Variants in SPRED2 observed in about 807,000 individuals in gnomAD.
SPRED2 encodes sprouty related EVH1 domain containing 2.
In SPRED2, 47 loss-of-function variants were observed where a neutral mutation model predicts 43.0. The ratio of observed to expected loss-of-function variants is 1.09; its 90% CI spans 0.87 to 1.40. The LOEUF (loss-of-function observed/expected upper bound fraction) is 1.40. SPRED2 is among the 40% of genes most tolerant of loss of function. The pLI is 0.00. For synonymous variants in SPRED2, 225 were observed against 225.7 expected (o/e 1.00, Z 0.03); for missense variants, 561 against 586.4 (o/e 0.96, Z 0.45).
Position 65,314,107 on chromosome 2 carries a change from G to C in SPRED2, c.651C>G (p.Ile217Met), listed in dbSNP as rs747259650. The change falls in exon 6 of 6, where the codon ATC becomes ATG. Residue 217 changes from isoleucine to methionine, a missense_variant. Coordinates refer to ENST00000356388, the MANE Select transcript of SPRED2 (RefSeq NM_181784.3). ...FPDDDEEIVR[I>M]NPREKIWMTG... Reference sequence around the variant, plus strand: ...TCATCCAGATCTTCTCCCGGGGGTTGATGCGCACGATCTCCTCGTCGTCGT... The same window carrying C: ...TCATCCAGATCTTCTCCCGGGGGTTCATGCGCACGATCTCCTCGTCGTCGT... 6.2e-7 allele frequency: 1 copy of C among 1,612,132 alleles called. No individual in the cohort carries two copies. Among genetic ancestry groups the C allele is most frequent in the South Asian group, 1.1e-5 (1 of 91,014 alleles).
chr2:65,347,420 A>G (rs1171585637), intron 1 of SPRED2, among the ~76,000 whole-genome samples: 2 of 152,090 alleles, frequency 1.3e-5, no homozygotes, highest in African/African-American at 4.8e-5. Context: ...GCATCCTGCT[A>G]CATTTCCCTG....
At chr2:65,349,324 A>AAAG in intron 1 of SPRED2, among the ~76,000 whole-genome samples, 1 of 151,832 alleles carries the variant, frequency 6.6e-6, no homozygotes, top group African/African-American at 2.4e-5. Flanking sequence ...AAAAAAAAAA[A>AAAG]AAAAAAGAAT....
intron 4 of SPRED2, among the ~76,000 whole-genome samples, chr2:65,328,011 T>G (rs1012775114): frequency 2.0e-4 from 30 of 152,182 alleles, no homozygotes; most frequent in Non-Finnish European, 3.7e-4. Context: ...CATGAACCGC[T>G]GTGCCCGGCC....
At chr2:65,415,899 A>G (rs192514169) in intron 1 of SPRED2, among the ~76,000 whole-genome samples, 31 of 152,326 alleles carry the variant, frequency 2.0e-4, no homozygotes, top group Non-Finnish European at 4.0e-4. Context: ...AAAGAAAAGG[A>G]GCAACATTCC....
chr2:65,327,936 C>A (rs142828630), intron 4 of SPRED2, among the ~76,000 whole-genome samples: 8,026 of 151,894 alleles, frequency 0.053, 296 homozygotes, highest in African/African-American at 0.093. Flanking sequence ...GTTGGCCAGG[C>A]TGGTCTTGAA....
chr2:65,344,996 G>T (rs1674307837), intron 1 of SPRED2, 100 bp from the exon 2 acceptor site: 1 of 1,204,684 alleles, frequency 8.3e-7, no homozygotes, highest in Non-Finnish European at 1.1e-6. Context: ...CACTTTTTTT[G>T]TTTTATCGAA....
At chr2:65,402,908 T>A (rs1204799137) in intron 1 of SPRED2, among the ~76,000 whole-genome samples, 1 of 152,172 alleles carries the variant, frequency 6.6e-6, no homozygotes, top group Non-Finnish European at 1.5e-5. Context: ...CAAAAAAGGG[T>A]TACACAATGA....
chr2:65,392,175 CTTTTTTTTTT>C (rs70943649), intron 1 of SPRED2, among the ~76,000 whole-genome samples: 3 of 98,726 alleles, frequency 3.0e-5, no homozygotes, highest in Non-Finnish European at 4.1e-5. Flanking sequence ...TCCAGAATTT[CTTTTTTTTTT>C]TTTTTTTTTT....
chr2:65,317,698 A>C (rs1673285542), intron 4 of SPRED2, among the ~76,000 whole-genome samples: 3 of 152,146 alleles, frequency 2.0e-5, no homozygotes, highest in Non-Finnish European at 4.4e-5. Flanking sequence ...CACCTGGGAG[A>C]GTCTCAGAGG....
chr2:65,327,423 A>T (rs895215459), intron 4 of SPRED2, among the ~76,000 whole-genome samples: 19 of 152,228 alleles, frequency 1.2e-4, no homozygotes, highest in Non-Finnish European at 5.9e-5. Context: ...CCTGAAACTG[A>T]GAGCATTCCA....
At position 65,422,995 on chromosome 2, in the gene SPRED2, G is replaced by A. The variant is rs1414755836; in HGVS notation, c.26+8967C>T. On this transcript the variant is annotated intron_variant, in intron 1 of 5. Coordinates refer to ENST00000356388, the MANE Select transcript of SPRED2 (RefSeq NM_181784.3). The stretch of plus-strand genomic sequence containing the variant: ...ATGTAATAACTATATTAAGACTATA[G>A]TCACACTTACGCTGCTTTAAAAGAT... Among the ~76,000 whole-genome samples the A allele has an allele frequency of 2.0e-5, 3 of 152,174 alleles. No individual in the cohort carries two copies. In the East Asian group the frequency reaches 5.8e-4, roughly 29 times the overall value.
chr2:65,322,143 A>G (rs1392584565), intron 4 of SPRED2, among the ~76,000 whole-genome samples: 3 of 150,910 alleles, frequency 2.0e-5, no homozygotes, highest in Non-Finnish European at 2.9e-5. Context: ...TTGATCCTGT[A>G]TCTGGTTGTT....
chr2:65,432,290 G>A lies in SPRED2; in HGVS notation c.-303C>T, dbSNP rs1668901934. The A allele has an allele frequency of 4.9e-6, 2 of 405,892 alleles. No individual in the cohort carries two copies. Among genetic ancestry groups the A allele is most frequent in the South Asian group, 3.0e-5 (1 of 33,392 alleles). The allele number at this position is 405,892 out of a possible 1,614,324, so 25.1% of individuals were successfully genotyped here. A position where few individuals can be genotyped will look rare whatever the true frequency, so the allele number is the denominator to read the frequency against. On this transcript the variant is annotated 5_prime_UTR_variant, in exon 1 of 6. Coordinates refer to ENST00000356388, the MANE Select transcript of SPRED2 (RefSeq NM_181784.3). Reference sequence around the variant, plus strand: ...CGAGATTTGGGAAGGGGACGGCGGTGGGGGAGAGCAGGAGAAAAACAAGCG... The same window carrying A: ...CGAGATTTGGGAAGGGGACGGCGGTAGGGGAGAGCAGGAGAAAAACAAGCG...
chr2:65,423,893 G>A (rs1182010614), intron 1 of SPRED2, among the ~76,000 whole-genome samples: 1 of 151,846 alleles, frequency 6.6e-6, no homozygotes. Flanking sequence ...AGGTTCAAGC[G>A]ATTCTCCTGC....
At chr2:65,352,655 C>G (rs752187600) in intron 1 of SPRED2, among the ~76,000 whole-genome samples, 8 of 152,216 alleles carry the variant, frequency 5.3e-5, no homozygotes, top group Non-Finnish European at 1.0e-4. Context: ...CGGAGTTTCA[C>G]CCTTGTCATC....
At chr2:65,401,350 A>G (rs1323428627) in intron 1 of SPRED2, among the ~76,000 whole-genome samples, 1 of 152,156 alleles carries the variant, frequency 6.6e-6, no homozygotes, top group East Asian at 1.9e-4. Context: ...AGCCTGCTGA[A>G]TGGGAACTTG....
intron 1 of SPRED2, among the ~76,000 whole-genome samples, chr2:65,425,263 C>A (rs1184921780): frequency 6.6e-6 from 1 of 152,284 alleles, no homozygotes; most frequent in East Asian, 1.9e-4. Flanking sequence ...ACAGAGGAGC[C>A]AAAACCATAC....
chr2:65,404,220 A>C (rs1263831892), intron 1 of SPRED2, among the ~76,000 whole-genome samples: 1 of 149,480 alleles, frequency 6.7e-6, no homozygotes, highest in Non-Finnish European at 1.5e-5. Context: ...AAAAAAAAAG[A>C]AAGAAAGAAA....
intron 4 of SPRED2, among the ~76,000 whole-genome samples, chr2:65,321,504 TAA>T (rs70943644): frequency 0.038 from 2,127 of 55,828 alleles, 84 homozygotes; most frequent in African/African-American, 0.12. Context: ...AGACCCTGTC[TAA>T]AAAAAAAAAA....
Sources: gnomAD v4.1 joint callset for allele counts (sites outside exome capture counted in the v4.1 genomes callset) on GRCh38, gnomAD v4.1.1 for gene constraint, MANE v1.5 for transcripts, NCBI Gene and HGNC (gene_info 2026-07-23, HGNC 2026-07-21) for gene names.